SPINK1: variants seen among roughly 807,000 people sequenced by gnomAD.
SPINK1 encodes serine peptidase inhibitor Kazal type 1.
Under a neutral mutation model 9.5 loss-of-function variants are expected in SPINK1, and 5 were observed. The ratio of observed to expected loss-of-function variants is 0.52; its 90% CI spans 0.27 to 1.10. The LOEUF (loss-of-function observed/expected upper bound fraction) is 1.10, where lower values mean the gene tolerates loss of function less well. Ranked by LOEUF, SPINK1 falls within the 50% of genes least tolerant of loss-of-function variation. The pLI is 0.11. For missense variants in SPINK1, 88 were observed against 92.7 expected, an observed-to-expected ratio of 0.95 and a Z score of 0.21; for synonymous variants, 37 against 32.3, an observed-to-expected ratio of 1.14 and a Z score of -0.49.
chr5:147,836,296 TTGTGTGTGTGTGTG>T (rs58122057), upstream of SPINK1, among the ~76,000 whole-genome samples: 7 of 146,446 alleles, frequency 4.8e-5, no homozygotes, highest in African/African-American at 1.8e-4. Flanking sequence ...ATTTACTGAT[TTGTGTGTGTGTGTG>T]TGTGTGTGTG....
At chr5:147,825,172 A>T (rs1332377987) in intron 3 of SPINK1, among the ~76,000 whole-genome samples, 1 of 152,174 alleles carries the variant, frequency 6.6e-6, no homozygotes, top group South Asian at 2.1e-4. Flanking sequence ...TTTATTCCAC[A>T]TGATTCCTGC....
At chr5:147,832,794 T>A (rs1244805709), upstream of SPINK1, among the ~76,000 whole-genome samples, 1 of 152,176 alleles carries the variant, frequency 6.6e-6, no homozygotes, top group East Asian at 1.9e-4. Flanking sequence ...TGTGGCAGGC[T>A]AACTTCTTAG....
the SPINK1 span, among the ~76,000 whole-genome samples, chr5:147,837,028 G>T: frequency 6.6e-6 from 1 of 152,156 alleles, no homozygotes; most frequent in Admixed American, 6.6e-5. Flanking sequence ...ACAGACCTCA[G>T]TTCAAACCTA....
the SPINK1 span, among the ~76,000 whole-genome samples, chr5:147,837,968 C>G: frequency 3.2e-3 from 483 of 152,192 alleles, 2 homozygotes; most frequent in African/African-American, 0.011. Context: ...CCACAAAGTG[C>G]TGGGATTACA....
the SPINK1 span, among the ~76,000 whole-genome samples, chr5:147,837,659 T>TTCTTTCTTTCTTTC: frequency 9.1e-6 from 1 of 109,394 alleles, no homozygotes; most frequent in Admixed American, 8.9e-5. Context: ...TTTTCTTTCT[T>TTCTTTCTTTCTTTC]TCTTTCTTTC....
At chr5:147,838,843 C>G in the SPINK1 span, among the ~76,000 whole-genome samples, 1 of 152,080 alleles carries the variant, frequency 6.6e-6, no homozygotes, top group Non-Finnish European at 1.5e-5. Flanking sequence ...TCTAGGCCTA[C>G]AGTATTCCCC....
At chr5:147,838,071 T>C in the SPINK1 span, among the ~76,000 whole-genome samples, 1 of 152,138 alleles carries the variant, frequency 6.6e-6, no homozygotes. Flanking sequence ...ACAAGAGTTT[T>C]ATGAATGCCT....
At chr5:147,827,733 C>T (rs893819208) in intron 3 of SPINK1, 1 of 261,576 alleles carries the variant, frequency 3.8e-6, no homozygotes, top group African/African-American at 2.3e-5. Context: ...AAAACACAAT[C>T]ATTGCAACCA....
intron 1 of SPINK1, among the ~76,000 whole-genome samples, chr5:147,830,336 G>A (rs900067581): frequency 6.6e-6 from 1 of 152,054 alleles, no homozygotes; most frequent in South Asian, 2.1e-4. Context: ...ACAACATATA[G>A]GAAATGATAA....
chr5:147,831,007 C>T (rs983008002), intron 1 of SPINK1, among the ~76,000 whole-genome samples: 2 of 152,012 alleles, frequency 1.3e-5, no homozygotes, highest in South Asian at 4.2e-4. Context: ...AAAAAATTCC[C>T]TTTATATCAC....
chr5:147,838,166 C>A, the SPINK1 span, among the ~76,000 whole-genome samples: 1 of 152,190 alleles, frequency 6.6e-6, no homozygotes, highest in African/African-American at 2.4e-5. Flanking sequence ...TGATCCCCTA[C>A]AGCAATCATT....
the SPINK1 span, among the ~76,000 whole-genome samples, chr5:147,838,468 T>A: frequency 6.6e-6 from 1 of 152,138 alleles, no homozygotes; most frequent in Non-Finnish European, 1.5e-5. Flanking sequence ...ACCTCTTATG[T>A]CTTATTAATG....
At chr5:147,827,598 A>G (rs530851266) in intron 3 of SPINK1, 1 of 173,814 alleles carries the variant, frequency 5.8e-6, no homozygotes, top group South Asian at 1.3e-4. Context: ...TCTGTATCAC[A>G]TCACCTACTT....
chr5:147,831,532 T>G lies in SPINK1; in HGVS notation c.46A>C (p.Ser16Arg), dbSNP rs1466690453. 2 of 1,613,622 alleles carry G rather than the reference T, an allele frequency of 1.2e-6. No individual in the cohort carries two copies. Among genetic ancestry groups the G allele is most frequent in the Non-Finnish European group, 8.5e-7 (1 of 1,179,860 alleles). ...AATATGCAACACTTACCAGATAGACTCAACAGGGCCAAGGCACTGAGAAGA... is the reference window on the plus strand; with the variant it reads ...AATATGCAACACTTACCAGATAGACGCAACAGGGCCAAGGCACTGAGAAGA... Reference protein sequence around the residue: ...IFLLSALALLSLSGNTGADSL... With the variant: ...IFLLSALALLRLSGNTGADSL... Residue 16 changes from serine to arginine, a missense_variant, in exon 1 of 4, where the codon AGT (serine) becomes CGT (arginine). Coordinates refer to ENST00000296695, the MANE Select transcript of SPINK1 (RefSeq NM_001379610.1).
chr5:147,825,415 T>C (rs1015653362), intron 3 of SPINK1, among the ~76,000 whole-genome samples: 3 of 150,772 alleles, frequency 2.0e-5, no homozygotes, highest in African/African-American at 7.3e-5. Context: ...ATATACTTTT[T>C]TTTCTTTTTT....
upstream of SPINK1, chr5:147,831,782 G>A: frequency 7.0e-6 from 10 of 1,423,244 alleles, no homozygotes; most frequent in Non-Finnish European, 8.2e-6. Flanking sequence ...TGTAAGAAAG[G>A]TGAAAGGAGC....
the SPINK1 span, among the ~76,000 whole-genome samples, chr5:147,838,904 T>TCCTGAAGAG: frequency 1.3e-5 from 2 of 152,036 alleles, no homozygotes; most frequent in Non-Finnish European, 2.9e-5. Flanking sequence ...CATCTCATGG[T>TCCTGAAGAG]CCTGAAGAGG....
chr5:147,827,631 T>C (rs972408182), intron 3 of SPINK1: 1 of 178,040 alleles, frequency 5.6e-6, no homozygotes, highest in Non-Finnish European at 1.2e-5. Context: ...GAAATGAAGC[T>C]TTACTGAAAC....
the SPINK1 span, among the ~76,000 whole-genome samples, chr5:147,837,648 CTTTTCTTT>C: frequency 1.1e-4 from 12 of 108,092 alleles, no homozygotes; most frequent in African/African-American, 3.7e-4. Context: ...ACATTAACTT[CTTTTCTTT>C]CTTTCTTTCT....
Sources: gnomAD v4.1 joint callset for allele counts (sites outside exome capture counted in the v4.1 genomes callset) on GRCh38, gnomAD v4.1.1 for gene constraint, MANE v1.5 for transcripts, NCBI Gene and HGNC (gene_info 2026-07-23, HGNC 2026-07-21) for gene names.